Variants in CEP63 observed in about 807,000 individuals in gnomAD.
CEP63 encodes centrosomal protein 63, also known as centrosomal protein of 63 kDa.
In CEP63, 84 loss-of-function variants were observed where a neutral mutation model predicts 89.1. The ratio of observed to expected loss-of-function variants is 0.94; its 90% CI spans 0.79 to 1.13. The LOEUF (loss-of-function observed/expected upper bound fraction) is 1.13. Ranked by LOEUF, CEP63 falls within the 50% of genes most tolerant of loss-of-function variation. The pLI is 0.00. For missense variants in CEP63, 838 were observed against 813.3 expected (o/e 1.03, Z -0.37); for synonymous variants, 267 against 272.5 (o/e 0.98, Z 0.20).
At chr3:134,740,842 C>T in the CEP63 span, among the ~76,000 whole-genome samples, 1 of 152,210 alleles carries the variant, frequency 6.6e-6, no homozygotes, top group South Asian at 2.1e-4. Context: ...CAAATGAGTA[C>T]ACCTCAGAGG....
chr3:134,543,463 AAAG>A (rs1394504662), intron 6 of CEP63, among the ~76,000 whole-genome samples: 1 of 152,238 alleles, frequency 6.6e-6, no homozygotes, highest in Admixed American at 6.5e-5. Context: ...TAAATCAGTG[AAAG>A]AAGGTTATGT....
chr3:134,536,625 A>G (rs1050830640), intron 5 of CEP63: 1 of 169,200 alleles, frequency 5.9e-6, no homozygotes, highest in Admixed American at 5.5e-5. Context: ...GAGATAATAC[A>G]AATTTGGATA....
chr3:134,652,614 T>C, the CEP63 span, among the ~76,000 whole-genome samples: 1 of 151,364 alleles, frequency 6.6e-6, no homozygotes, highest in Non-Finnish European at 1.5e-5. Flanking sequence ...AAGTGAGTCT[T>C]GTCCTGTCTG....
At chr3:134,651,325 G>A in the CEP63 span, 1 of 1,166,376 alleles carries the variant, frequency 8.6e-7, no homozygotes, top group South Asian at 1.7e-5. Context: ...GGGCTCCAGG[G>A]CTTCTCTGGC....
the CEP63 span, among the ~76,000 whole-genome samples, chr3:134,664,738 C>T: frequency 2.7e-5 from 4 of 148,776 alleles, no homozygotes; most frequent in African/African-American, 9.9e-5. Flanking sequence ...CCTACTAGTA[C>T]CATGGAATGT....
chr3:134,513,153 T>G (rs975394065), intron 3 of CEP63, among the ~76,000 whole-genome samples: 15 of 152,208 alleles, frequency 9.9e-5, no homozygotes, highest in Non-Finnish European at 1.5e-5. Context: ...GCTGTCATCA[T>G]GAGAACTCCC....
At chr3:134,558,684 T>A (rs2110107279) in intron 13 of CEP63, among the ~76,000 whole-genome samples, 1 of 152,340 alleles carries the variant, frequency 6.6e-6, no homozygotes, top group South Asian at 2.1e-4. Context: ...TTCCTTTGTC[T>A]TTTTAGTCAA....
At chr3:134,597,735 C>T in the CEP63 span, 1 of 152,560 alleles carries the variant, frequency 6.6e-6, no homozygotes, top group African/African-American at 2.4e-5. Flanking sequence ...CTTGGTCAGA[C>T]TTGCACCATT....
At chr3:134,518,921 AGGG>A (rs779045738) in intron 3 of CEP63, among the ~76,000 whole-genome samples, 1 of 152,086 alleles carries the variant, frequency 6.6e-6, no homozygotes, top group African/African-American at 2.4e-5. Context: ...TTAAGAAAAA[AGGG>A]GGGAAAATAA....
chr3:134,723,253 T>C, the CEP63 span, among the ~76,000 whole-genome samples: 2 of 152,240 alleles, frequency 1.3e-5, no homozygotes, highest in Non-Finnish European at 2.9e-5. Flanking sequence ...AAATTGGCCA[T>C]ATGATTTGCT....
At chr3:134,707,979 C>T in the CEP63 span, among the ~76,000 whole-genome samples, 2 of 152,058 alleles carry the variant, frequency 1.3e-5, no homozygotes, top group Admixed American at 1.3e-4. Flanking sequence ...TGGGGTAAGA[C>T]CTCTTTCCTC....
the CEP63 span, among the ~76,000 whole-genome samples, chr3:134,701,037 TG>T: frequency 5.5e-5 from 8 of 144,556 alleles, no homozygotes; most frequent in African/African-American, 2.0e-4. Flanking sequence ...TATGTTTTTT[TG>T]TGTGTGTCAT....
At chr3:134,680,170 A>T in the CEP63 span, among the ~76,000 whole-genome samples, 3 of 152,096 alleles carry the variant, frequency 2.0e-5, no homozygotes, top group Non-Finnish European at 4.4e-5. Flanking sequence ...CAACGTCTTG[A>T]TCTTGGACTT....
the CEP63 span, among the ~76,000 whole-genome samples, chr3:134,671,861 G>A: frequency 1.1e-4 from 16 of 152,176 alleles, no homozygotes; most frequent in East Asian, 7.7e-4. Flanking sequence ...TCCACCAACT[G>A]AGCTGTTTTC....
At chr3:134,723,959 C>T in the CEP63 span, among the ~76,000 whole-genome samples, 1 of 152,198 alleles carries the variant, frequency 6.6e-6, no homozygotes, top group African/African-American at 2.4e-5. Flanking sequence ...AGAGTGCTCA[C>T]ACAGGGCTAC....
At chr3:134,776,036 C>T in the CEP63 span, among the ~76,000 whole-genome samples, 6 of 152,354 alleles carry the variant, frequency 3.9e-5, no homozygotes, top group South Asian at 2.1e-4. Flanking sequence ...CCTCCCCACC[C>T]GGTAGTCTGT....
chr3:134,692,682 C>G, the CEP63 span, among the ~76,000 whole-genome samples: 1 of 152,220 alleles, frequency 6.6e-6, no homozygotes, highest in East Asian at 1.9e-4. Flanking sequence ...TGAACAACAA[C>G]TTGAGAAGCA....
the CEP63 span, among the ~76,000 whole-genome samples, chr3:134,685,285 C>A: frequency 6.6e-6 from 1 of 152,218 alleles, no homozygotes; most frequent in South Asian, 2.1e-4. Context: ...TTTGGGGGAA[C>A]TCTGACCACC....
the CEP63 span, among the ~76,000 whole-genome samples, chr3:134,740,837 G>A: frequency 6.6e-6 from 1 of 152,204 alleles, no homozygotes; most frequent in Non-Finnish European, 1.5e-5. Context: ...AGGTTCAAAT[G>A]AGTACACCTC....
Sources: gnomAD v4.1 joint callset for allele counts (sites outside exome capture counted in the v4.1 genomes callset) on GRCh38, gnomAD v4.1.1 for gene constraint, MANE v1.5 for transcripts, NCBI Gene and HGNC (gene_info 2026-07-23, HGNC 2026-07-21) for gene names.